Variants in PCGF5 observed in about 807,000 individuals in gnomAD.
PCGF5 encodes the protein polycomb group RING finger protein 5.
In PCGF5, 9 loss-of-function variants were observed where a neutral mutation model predicts 44.3. The observed-to-expected ratio is 0.20, with a 90% CI of 0.12 to 0.35. The LOEUF is 0.35. Ranked by LOEUF, PCGF5 falls within the 10% of genes least tolerant of loss-of-function variation. The pLI is 1.00. For missense variants in PCGF5, 146 were observed against 305.3 expected (o/e 0.48, Z 3.89); for synonymous variants, 95 against 102.5 (o/e 0.93, Z 0.44).
At chr10:91,179,532 T>C (rs1843780549) in intron 1 of PCGF5, among the ~76,000 whole-genome samples, 7 of 152,182 alleles carry the variant, frequency 4.6e-5, no homozygotes, top group Admixed American at 3.9e-4. Flanking sequence ...CCAGTGTGTG[T>C]TGTTTCCCTC....
intron 5 of PCGF5, among the ~76,000 whole-genome samples, chr10:91,249,803 A>G (rs976725069): frequency 1.3e-5 from 2 of 152,070 alleles, no homozygotes; most frequent in Non-Finnish European, 2.9e-5. Flanking sequence ...AAAATGGCAA[A>G]GAAGCTAAGC....
At chr10:91,275,342 C>T (rs1253206282) in intron 9 of PCGF5, among the ~76,000 whole-genome samples, 1 of 151,494 alleles carries the variant, frequency 6.6e-6, no homozygotes, top group Non-Finnish European at 1.5e-5. Flanking sequence ...ATTAAATTGC[C>T]AAATTAAGAG....
intron 6 of PCGF5, among the ~76,000 whole-genome samples, chr10:91,259,012 T>C (rs1350471897): frequency 6.6e-6 from 1 of 152,196 alleles, no homozygotes; most frequent in Non-Finnish European, 1.5e-5. Flanking sequence ...AGTATTCTGA[T>C]AACTTTTGAG....
At chr10:91,180,503 T>G (rs936879600) in intron 1 of PCGF5, among the ~76,000 whole-genome samples, 1 of 152,146 alleles carries the variant, frequency 6.6e-6, no homozygotes, top group Non-Finnish European at 1.5e-5. Flanking sequence ...CCATCTTGAG[T>G]TAATTTTTGT....
intron 6 of PCGF5, among the ~76,000 whole-genome samples, chr10:91,254,660 G>A (rs965921764): frequency 1.3e-5 from 2 of 151,912 alleles, no homozygotes; most frequent in African/African-American, 4.8e-5. Flanking sequence ...AATGTGGTGG[G>A]GCAGTAGTTG....
intron 1 of PCGF5, among the ~76,000 whole-genome samples, chr10:91,199,300 A>G (rs551847683): frequency 7.2e-5 from 11 of 152,200 alleles, no homozygotes; most frequent in Non-Finnish European, 1.0e-4. Context: ...ATGCCCTTTG[A>G]AGGGTGGGAA....
chr10:91,254,770 A>G (rs180826637), intron 6 of PCGF5, among the ~76,000 whole-genome samples: 17 of 152,240 alleles, frequency 1.1e-4, no homozygotes, highest in Non-Finnish European at 2.4e-4. Flanking sequence ...ATCTCTGAAA[A>G]TTCACTTTTC....
In PCGF5 at chr10:91,230,460, T is replaced by C. The variant is rs549426442; in HGVS notation, c.112+7477T>C. 2.6e-5 allele frequency among the ~76,000 whole-genome samples: 4 copies of C among 152,286 alleles called. No individual in the cohort carries two copies. The East Asian group carries it at 7.7e-4, about 29-fold the overall frequency. On this transcript the variant is annotated intron_variant, in intron 2 of 9. Transcript: ENST00000336126. ...TATGTACTGATTTTTACCAGTATTA[T>C]GTCAAAAATTTAAAGCCAGGGCGCA...
intron 2 of PCGF5, chr10:91,227,735 T>A: frequency 1.0e-6 from 1 of 1,002,958 alleles, no homozygotes; most frequent in Non-Finnish European, 1.2e-6. Flanking sequence ...TACTTAGTGG[T>A]GACTGGTTTC....
At chr10:91,197,851 G>A (rs540017479) in intron 1 of PCGF5, among the ~76,000 whole-genome samples, 38 of 152,190 alleles carry the variant, frequency 2.5e-4, no homozygotes, top group African/African-American at 8.7e-4. Flanking sequence ...AAAAACAGAC[G>A]TTCCAAGGAA....
At chr10:91,275,560 C>A (rs966564049) in intron 9 of PCGF5, among the ~76,000 whole-genome samples, 3 of 151,438 alleles carry the variant, frequency 2.0e-5, no homozygotes, top group African/African-American at 7.3e-5. Context: ...CCTGCCTCAG[C>A]CTCCTTAGTA....
chr10:91,270,742 C>T (rs1481158527), intron 8 of PCGF5, among the ~76,000 whole-genome samples: 1 of 152,034 alleles, frequency 6.6e-6, no homozygotes, highest in Non-Finnish European at 1.5e-5. Context: ...TAGAAATATC[C>T]TGGTTAATTT....
At chr10:91,276,501 A>G (rs1846317026) in intron 9 of PCGF5, among the ~76,000 whole-genome samples, 1 of 152,218 alleles carries the variant, frequency 6.6e-6, no homozygotes, top group African/African-American at 2.4e-5. Context: ...CCAAAACACA[A>G]ATAGAACTTA....
At chr10:91,191,019 T>TA (rs1392979404) in intron 1 of PCGF5, among the ~76,000 whole-genome samples, 5 of 152,322 alleles carry the variant, frequency 3.3e-5, no homozygotes, top group East Asian at 1.9e-4. Context: ...CGCTGACAGT[T>TA]ACAGTAGTTC....
Position 91,165,787 on chromosome 10 carries a change from G to A in PCGF5, c.-184+2706G>A, listed in dbSNP as rs189040968. The stretch of plus-strand genomic sequence containing the variant: ...TAAGTCAGTGATATAATGTAAAAAG[G>A]ATGTGTATGTCATATTTAATAATAT... On this transcript the variant is annotated intron_variant, in intron 1 of 9. Transcript: ENST00000614189. 1.2e-3 allele frequency among the ~76,000 whole-genome samples: 180 copies of A among 152,292 alleles called. 1 individual carries two copies. Among genetic ancestry groups the A allele is most frequent in the African/African-American group, 3.9e-3 (163 of 41,548 alleles).
chr10:91,277,481 A>G (rs1846346460), intron 9 of PCGF5, among the ~76,000 whole-genome samples: 1 of 152,226 alleles, frequency 6.6e-6, no homozygotes, highest in Non-Finnish European at 1.5e-5. Context: ...GTACAGGGTA[A>G]AAACAAACAC....
intron 1 of PCGF5, among the ~76,000 whole-genome samples, chr10:91,205,125 A>C: frequency 6.6e-6 from 1 of 152,316 alleles, no homozygotes. Context: ...CAGTTATTTT[A>C]AATGCATAAA....
At position 91,282,146 on chromosome 10, in the gene PCGF5, A is replaced by G. The variant is rs544492683; in HGVS notation, c.*3830A>G. 8.5e-5 allele frequency: 13 copies of G among 152,338 alleles called. No homozygotes were observed. Among genetic ancestry groups the G allele is most frequent in the African/African-American group, 2.4e-4 (10 of 41,584 alleles). The allele number at this position is 152,338 out of a possible 1,614,324, so 9.4% of individuals were successfully genotyped here. A position where few individuals can be genotyped will look rare whatever the true frequency, so the allele number is the denominator to read the frequency against. On this transcript the variant is annotated 3_prime_UTR_variant, in exon 10 of 10. Transcript: ENST00000336126. ...ATTTATATAAGTAAGTGCTTTCTCT[A>G]TATTCAAAATATTTCATAAGGACCT... is the stretch of plus-strand genomic sequence containing the variant.
upstream of PCGF5, among the ~76,000 whole-genome samples, chr10:91,159,556 C>A (rs147264369): frequency 0.019 from 2,876 of 152,250 alleles, 37 homozygotes; most frequent in Non-Finnish European, 0.029. Context: ...CTCAGCCAAC[C>A]CCTGACTGTG....
Sources: gnomAD v4.1 joint callset for allele counts (sites outside exome capture counted in the v4.1 genomes callset) on GRCh38, gnomAD v4.1.1 for gene constraint, MANE v1.5 for transcripts, NCBI Gene and HGNC (gene_info 2026-07-23, HGNC 2026-07-21) for gene names.